Variants in ARHGAP10 observed in about 807,000 individuals in gnomAD.
The protein encoded by ARHGAP10 is rho GTPase-activating protein 10.
In ARHGAP10, 87 loss-of-function variants were observed where a neutral mutation model predicts 108.6. The ratio of observed to expected loss-of-function variants is 0.80; its 90% CI spans 0.67 to 0.96. ARHGAP10 has a LOEUF of 0.96. Ranked by LOEUF, ARHGAP10 falls within the 40% of genes least tolerant of loss-of-function variation. ARHGAP10 has a pLI of 0.00. For missense variants in ARHGAP10, 939 were observed against 954.5 expected (o/e 0.98, Z 0.21); for synonymous variants, 347 against 341.1 (o/e 1.02, Z -0.19).
intron 1 of ARHGAP10, among the ~76,000 whole-genome samples, chr4:147,785,686 G>A (rs1730863955): frequency 6.6e-6 from 1 of 152,050 alleles, no homozygotes; most frequent in Non-Finnish European, 1.5e-5. Flanking sequence ...GAAATGTACT[G>A]CTAAGAGGAC....
intron 18 of ARHGAP10, among the ~76,000 whole-genome samples, chr4:147,982,882 T>C (rs1462641278): frequency 6.6e-6 from 1 of 151,876 alleles, no homozygotes; most frequent in Non-Finnish European, 1.5e-5. Context: ...ACTTACTTTC[T>C]TTTTTTTCCT....
chr4:147,837,350 T>G (rs1733210915), intron 3 of ARHGAP10, among the ~76,000 whole-genome samples: 1 of 152,212 alleles, frequency 6.6e-6, no homozygotes, highest in Non-Finnish European at 1.5e-5. Flanking sequence ...TTCTAAAAAA[T>G]ACTAATCCTT....
intron 18 of ARHGAP10, among the ~76,000 whole-genome samples, chr4:148,021,552 T>C (rs1741567871): frequency 6.6e-6 from 1 of 152,244 alleles, no homozygotes; most frequent in Non-Finnish European, 1.5e-5. Flanking sequence ...GGAGCTGTTT[T>C]AAATGTCACA....
At chr4:147,919,847 T>A (rs1358766000) in intron 13 of ARHGAP10, among the ~76,000 whole-genome samples, 1 of 152,172 alleles carries the variant, frequency 6.6e-6, no homozygotes, top group Non-Finnish European at 1.5e-5. Flanking sequence ...CTCAAAGTGC[T>A]GGGATTACAG....
chr4:147,732,619 G>A (rs1380269127), intron 1 of ARHGAP10, among the ~76,000 whole-genome samples, 164 bp downstream of exon 1: 1 of 152,016 alleles, frequency 6.6e-6, no homozygotes, highest in East Asian at 1.9e-4. Flanking sequence ...GGGGTCCCTG[G>A]AATCATTCCT....
At chr4:147,740,704 C>T (rs1487217585) in intron 1 of ARHGAP10, among the ~76,000 whole-genome samples, 3 of 152,154 alleles carry the variant, frequency 2.0e-5, no homozygotes, top group Non-Finnish European at 4.4e-5. Context: ...CTTTTCCTCC[C>T]CATTCCTTGT....
chr4:148,040,311 A>G (rs975769363), intron 19 of ARHGAP10, among the ~76,000 whole-genome samples: 6 of 152,042 alleles, frequency 3.9e-5, no homozygotes, highest in African/African-American at 7.2e-5. Context: ...GTATATTATT[A>G]TAGATACTAG....
At chr4:148,015,263 T>G (rs10213376) in intron 18 of ARHGAP10, among the ~76,000 whole-genome samples, 18,465 of 152,140 alleles carry the variant, frequency 0.12, 1,714 homozygotes, top group African/African-American at 0.26. Flanking sequence ...GGGTACTTTG[T>G]TGGAAAGAAG....
chr4:148,009,143 T>A (rs1044479530), intron 18 of ARHGAP10, among the ~76,000 whole-genome samples: 2 of 152,070 alleles, frequency 1.3e-5, no homozygotes, highest in African/African-American at 2.4e-5. Context: ...TTCTCTTTTT[T>A]TTTTTTGAGA....
At chr4:147,796,863 A>T (rs936914299) in intron 1 of ARHGAP10, among the ~76,000 whole-genome samples, 1 of 152,192 alleles carries the variant, frequency 6.6e-6, no homozygotes, top group East Asian at 1.9e-4. Flanking sequence ...GGCCATAGTT[A>T]TAACATTCTA....
At chr4:147,790,650 A>T (rs1054458043) in intron 1 of ARHGAP10, among the ~76,000 whole-genome samples, 4 of 152,230 alleles carry the variant, frequency 2.6e-5, no homozygotes, top group African/African-American at 9.6e-5. Flanking sequence ...GGGATAATAA[A>T]AACCTGAGCT....
At chr4:147,754,999 T>C (rs907652165) in intron 1 of ARHGAP10, among the ~76,000 whole-genome samples, 1 of 151,906 alleles carries the variant, frequency 6.6e-6, no homozygotes, top group African/African-American at 2.4e-5. Flanking sequence ...GGAGAATTGC[T>C]TGAACCCAGG....
At chr4:148,066,860 A>G (rs1729901094) in intron 22 of ARHGAP10, among the ~76,000 whole-genome samples, 2 of 152,122 alleles carry the variant, frequency 1.3e-5, no homozygotes, top group South Asian at 4.1e-4. Context: ...GTTGCTATAG[A>G]CGTATGGGGG....
intron 15 of ARHGAP10, 139 bp downstream of exon 15, chr4:147,946,843 T>C: frequency 1.8e-6 from 1 of 568,728 alleles, no homozygotes; most frequent in Non-Finnish European, 2.8e-6. Flanking sequence ...GGTGTCTCAG[T>C]GTCCCAGAAA....
At position 147,906,710 on chromosome 4, in the gene ARHGAP10, A is replaced by C. The variant is rs542295536; in HGVS notation, c.1107A>C (p.Gly369=). The C allele has an allele frequency of 6.2e-7, 1 of 1,614,156 alleles. No homozygotes were observed. Among genetic ancestry groups the C allele is most frequent in the South Asian group, 1.1e-5 (1 of 91,072 alleles). Residue 369 remains glycine, a synonymous_variant, in exon 11 of 23, where the codon GGA becomes GGC. Transcript: ENST00000336498. ...AGCAGTGGTTGGAAGCTCTGGGTGG[A>C]AAGGAAGCTGTAAGAATAATCAATG... ...ERKQWLEALG[G]KEALSHSFNT... is the part of the protein sequence containing the mutation.
At chr4:147,738,418 T>C (rs935978535) in intron 1 of ARHGAP10, among the ~76,000 whole-genome samples, 31 of 152,062 alleles carry the variant, frequency 2.0e-4, no homozygotes, top group African/African-American at 7.5e-4. Flanking sequence ...CCGGGCGTAG[T>C]GGAGGGCACC....
intron 18 of ARHGAP10, among the ~76,000 whole-genome samples, chr4:148,017,340 T>C (rs934034431): frequency 3.9e-5 from 6 of 152,184 alleles, no homozygotes; most frequent in Admixed American, 1.3e-4. Flanking sequence ...ATAAAATCTC[T>C]GATTAAATTT....
intron 18 of ARHGAP10, among the ~76,000 whole-genome samples, chr4:148,006,066 A>C (rs1038797161): frequency 2.0e-5 from 3 of 152,178 alleles, no homozygotes; most frequent in African/African-American, 7.2e-5. Context: ...TCATTATACT[A>C]TGGCAGGAGT....
chr4:147,821,199 T>C (rs1732486681), intron 1 of ARHGAP10, among the ~76,000 whole-genome samples: 10 of 152,142 alleles, frequency 6.6e-5, no homozygotes, highest in Admixed American at 6.5e-4. Flanking sequence ...CAGAGGTGTG[T>C]AACATTCCTT....
Sources: gnomAD v4.1 joint callset for allele counts (sites outside exome capture counted in the v4.1 genomes callset) on GRCh38, gnomAD v4.1.1 for gene constraint, MANE v1.5 for transcripts, NCBI Gene and HGNC (gene_info 2026-07-23, HGNC 2026-07-21) for gene names.